ATXN10: variants seen among roughly 807,000 people sequenced by gnomAD.
ATXN10 encodes the protein ataxin 10, also known as ataxin-10.
Under a neutral mutation model 52.9 loss-of-function variants are expected in ATXN10, and 28 were observed. The ratio of observed to expected loss-of-function variants is 0.53; its 90% CI spans 0.39 to 0.73. ATXN10 has a LOEUF of 0.73. Among genes scored for constraint, ATXN10 ranks in the 30% least tolerant of loss-of-function variants. The probability of loss-of-function intolerance (pLI) is 0.00; values close to 1 mark genes in which losing one functional copy is unlikely to be tolerated. For missense variants in ATXN10, 565 were observed against 577.0 expected (o/e 0.98, Z 0.21); for synonymous variants, 226 against 221.5 (o/e 1.02, Z -0.18).
In ATXN10 at chr22:45,708,523, G is replaced by A. The variant is rs1924124859; in HGVS notation, c.647+5676G>A. On this transcript the variant is annotated intron_variant, in intron 5 of 11. Coordinates refer to ENST00000252934, the MANE Select transcript of ATXN10 (RefSeq NM_013236.4). This position sits in a 1 kb window ranked among gnomAD's most constrained non-coding sequence, Gnocchi z 5.3. ...ATTGCAAGTGATGCCAAACTCGAGG[G>A]CCTATCCCATTTTTATTAATACCAT... Among the ~76,000 whole-genome samples the A allele has an allele frequency of 6.6e-6, 1 of 152,240 alleles. No homozygotes were observed. The highest frequency in any genetic ancestry group is 2.4e-5 in the African/African-American group (1 of 41,544).
chr22:45,818,828 T>C lies in ATXN10; in HGVS notation c.1237+11806T>C, dbSNP rs1928551840. ...ATTTGAAAACAGAAACAAAACTGTA[T>C]GTGGACACTGATTGCCTGTTCCTAA... is the stretch of plus-strand genomic sequence containing the variant. On this transcript the variant is annotated intron_variant, in intron 10 of 11. Transcript: ENST00000252934. This position sits in a 1 kb window ranked among gnomAD's most constrained non-coding sequence, Gnocchi z 4.6. 1.3e-5 allele frequency among the ~76,000 whole-genome samples: 2 copies of C among 152,166 alleles called. No individual in the cohort carries two copies. Among genetic ancestry groups the C allele is most frequent in the Admixed American group, 6.5e-5 (1 of 15,276 alleles).
chr22:45,839,860 C>T (rs769021456), intron 10 of ATXN10, among the ~76,000 whole-genome samples: 8 of 152,234 alleles, frequency 5.3e-5, no homozygotes, highest in African/African-American at 9.6e-5. Context: ...CGGGAAACCA[C>T]ACCAACAACA....
intron 10 of ATXN10, among the ~76,000 whole-genome samples, chr22:45,836,735 A>G (rs768732405): frequency 1.3e-5 from 2 of 152,222 alleles, no homozygotes; most frequent in African/African-American, 4.8e-5. Flanking sequence ...GGTTTGTGCA[A>G]TATAACGCAT....
At chr22:45,761,382 C>G (rs750144665) in intron 9 of ATXN10, among the ~76,000 whole-genome samples, 3 of 152,196 alleles carry the variant, frequency 2.0e-5, no homozygotes, top group African/African-American at 7.2e-5. Context: ...TGGCACAGTT[C>G]CGGGCCCACA....
intron 9 of ATXN10, among the ~76,000 whole-genome samples, chr22:45,767,846 T>A (rs556160451): frequency 1.3e-4 from 20 of 152,214 alleles, no homozygotes; most frequent in Non-Finnish European, 2.1e-4. Context: ...AGAGAAATTA[T>A]AAACTGCATT....
rs1273427119 is a variant in ATXN10 at position 45,678,468 on chromosome 22, A to T, written c.116+6289A>T. ...GAAGCTATATATTTATGATTTTTAA[A>T]AAGTCACATTGTTTGGAGTAGAGGG... On this transcript the variant is annotated intron_variant, in intron 1 of 11. Transcript: ENST00000252934. This position sits in a 1 kb window ranked among gnomAD's most constrained non-coding sequence, Gnocchi z 4.1. The T allele has an allele frequency of 2.6e-5, 4 of 152,186 alleles. No individual in the cohort carries two copies. Among genetic ancestry groups the T allele is most frequent in the African/African-American group, 9.7e-5 (4 of 41,442 alleles). The allele number at this position is 152,186 out of a possible 1,614,324, so 9.4% of individuals were successfully genotyped here. A position where few individuals can be genotyped will look rare whatever the true frequency, so the allele number is the denominator to read the frequency against.
In ATXN10 at chr22:45,728,515, T is replaced by A. The variant is rs1035728577; in HGVS notation, c.729-910T>A. Among the ~76,000 whole-genome samples, 2 of 152,228 alleles carry A rather than the reference T, an allele frequency of 1.3e-5. No individual in the cohort carries two copies. Among genetic ancestry groups the A allele is most frequent in the Non-Finnish European group, 2.9e-5 (2 of 68,036 alleles). On this transcript the variant is annotated intron_variant, in intron 6 of 11. Coordinates refer to ENST00000252934, the MANE Select transcript of ATXN10 (RefSeq NM_013236.4). The surrounding 1 kb of genome is among the most constrained non-coding windows in gnomAD (Gnocchi z 4.3). ...ATTTCTTACTTGAAGCAGTAAATAA[T>A]TTAAATTTTTTTCTTGGTAAGAAAT...
chr22:45,723,285 T>C (rs1030010874), intron 6 of ATXN10, among the ~76,000 whole-genome samples: 3 of 152,030 alleles, frequency 2.0e-5, no homozygotes, highest in Admixed American at 6.6e-5. Context: ...TTTGGTCACA[T>C]GGATGGGTTG....
At chr22:45,741,552 G>A (rs1925534351) in intron 9 of ATXN10, among the ~76,000 whole-genome samples, 2 of 152,258 alleles carry the variant, frequency 1.3e-5, no homozygotes, top group East Asian at 1.9e-4. Context: ...AGATGTGTGC[G>A]AGAAACCATC....
Position 45,754,669 on chromosome 22 carries a change from A to G in ATXN10, c.1173+14131A>G, listed in dbSNP as rs1171795950. On this transcript the variant is annotated intron_variant, in intron 9 of 11. Transcript: ENST00000252934. This position sits in a 1 kb window ranked among gnomAD's most constrained non-coding sequence, Gnocchi z 5.4. Reference sequence around the variant, plus strand: ...GGAGTTCGAGACCAGTCTGACCAACATGGTGAAACCCCGACTCTACTAAAA... The same window carrying G: ...GGAGTTCGAGACCAGTCTGACCAACGTGGTGAAACCCCGACTCTACTAAAA... 6.6e-6 allele frequency among the ~76,000 whole-genome samples: 1 copy of G among 152,196 alleles called. No homozygotes were observed. Among genetic ancestry groups the G allele is most frequent in the African/African-American group, 2.4e-5 (1 of 41,450 alleles).
At position 45,840,532 on chromosome 22, in the gene ATXN10, A is replaced by T. The variant is rs1216041860; in HGVS notation, c.1238-2459A>T. 6.6e-6 allele frequency among the ~76,000 whole-genome samples: 1 copy of T among 152,166 alleles called. No individual in the cohort carries two copies. The highest frequency in any genetic ancestry group is 2.4e-5 in the African/African-American group (1 of 41,438). ...CAGGGATTCGTGTGTGCAGAGACAG[A>T]GGGGAGGCCAGCGTTGCAACATTGT... On this transcript the variant is annotated intron_variant, in intron 10 of 11. Coordinates refer to ENST00000252934, the MANE Select transcript of ATXN10 (RefSeq NM_013236.4). The surrounding 1 kb of genome is among the most constrained non-coding windows in gnomAD (Gnocchi z 5.8).
rs1382088340 is a variant in ATXN10 at position 45,793,667 on chromosome 22, G to A, written c.1174-13292G>A. ...CTTTGCCAAGGATGCAGGTGCCACA[G>A]CATCTCAAGAGAAGTCACCAATCAC... On this transcript the variant is annotated intron_variant, in intron 9 of 11. Coordinates refer to ENST00000252934, the MANE Select transcript of ATXN10 (RefSeq NM_013236.4). The A allele has an allele frequency of 2.1e-6, 3 of 1,423,942 alleles. No individual in the cohort carries two copies. In the South Asian group the frequency reaches 5.5e-5, roughly 26 times the overall value. 88.2% of individuals were successfully genotyped at this position (1,423,942 alleles called of 1,614,324 possible). A position where few individuals can be genotyped will look rare whatever the true frequency, so the allele number is the denominator to read the frequency against.
Position 45,705,698 on chromosome 22 carries a change from T to C in ATXN10, c.647+2851T>C, listed in dbSNP as rs1408365192. Among the ~76,000 whole-genome samples, 1 of 152,116 alleles carries C rather than the reference T, an allele frequency of 6.6e-6. No individual in the cohort carries two copies. The highest frequency in any genetic ancestry group is 6.5e-5 in the Admixed American group (1 of 15,274). On this transcript the variant is annotated intron_variant, in intron 5 of 11. Transcript: ENST00000252934. The surrounding 1 kb of genome is among the most constrained non-coding windows in gnomAD (Gnocchi z 5.2). ...AGCCACCTGCCTCAGCCTCCCAAAGTGCTGGGATTACAGGCGTGAGCCACC... is the reference window on the plus strand; with the variant it reads ...AGCCACCTGCCTCAGCCTCCCAAAGCGCTGGGATTACAGGCGTGAGCCACC...
chr22:45,739,656 C>T (rs1262427359), intron 8 of ATXN10, among the ~76,000 whole-genome samples: 2 of 152,212 alleles, frequency 1.3e-5, no homozygotes, highest in Non-Finnish European at 2.9e-5. Flanking sequence ...TGTGGGTTGC[C>T]ATCCCAGCTC....
In ATXN10 at chr22:45,696,873, T is replaced by A. The variant is rs1923629195; in HGVS notation, c.392-3409T>A. 6.6e-6 allele frequency among the ~76,000 whole-genome samples: 1 copy of A among 152,224 alleles called. No individual in the cohort carries two copies. Among genetic ancestry groups the A allele is most frequent in the South Asian group, 2.1e-4 (1 of 4,832 alleles). On this transcript the variant is annotated intron_variant, in intron 3 of 11. Coordinates refer to ENST00000252934, the MANE Select transcript of ATXN10 (RefSeq NM_013236.4). The surrounding 1 kb of genome is among the most constrained non-coding windows in gnomAD (Gnocchi z 4.7). Reference sequence around the variant, plus strand: ...GAAACTACTTTTATGAACCAGTTTGTCATTGAGGAGTAAATTGGTTATTTG... The same window carrying A: ...GAAACTACTTTTATGAACCAGTTTGACATTGAGGAGTAAATTGGTTATTTG...
rs1480109688 is a variant in ATXN10 at position 45,818,846 on chromosome 22, G to A, written c.1237+11824G>A. Among the ~76,000 whole-genome samples, 1 of 152,176 alleles carries A rather than the reference G, an allele frequency of 6.6e-6. No individual in the cohort carries two copies. The highest frequency in any genetic ancestry group is 2.4e-5 in the African/African-American group (1 of 41,440). ...AACTGTATGTGGACACTGATTGCCT[G>A]TTCCTAAGGACCTGCTCCTTAGAGC... On this transcript the variant is annotated intron_variant, in intron 10 of 11. Coordinates refer to ENST00000252934, the MANE Select transcript of ATXN10 (RefSeq NM_013236.4). The surrounding 1 kb of genome is among the most constrained non-coding windows in gnomAD (Gnocchi z 4.6).
At chr22:45,714,938 C>T (rs1410319165) in intron 5 of ATXN10, among the ~76,000 whole-genome samples, 1 of 152,200 alleles carries the variant, frequency 6.6e-6, no homozygotes, top group African/African-American at 2.4e-5. Flanking sequence ...CAACAGAGCA[C>T]TGTCATGGCT....
chr22:45,790,289 T>C lies in ATXN10; in HGVS notation c.1174-16670T>C, dbSNP rs1927462387. Among the ~76,000 whole-genome samples the C allele has an allele frequency of 6.6e-6, 1 of 152,156 alleles. No homozygotes were observed. Among genetic ancestry groups the C allele is most frequent in the African/African-American group, 2.4e-5 (1 of 41,422 alleles). ...TCTTGCCGGAATGTGTGTGGTTCTT[T>C]CAGGAACACCCAATACCAAACCTCT... On this transcript the variant is annotated intron_variant, in intron 9 of 11. Coordinates refer to ENST00000252934, the MANE Select transcript of ATXN10 (RefSeq NM_013236.4). This position sits in a 1 kb window ranked among gnomAD's most constrained non-coding sequence, Gnocchi z 4.7.
At chr22:45,711,421 G>A (rs1336098940) in intron 5 of ATXN10, among the ~76,000 whole-genome samples, 3 of 152,124 alleles carry the variant, frequency 2.0e-5, no homozygotes, top group Non-Finnish European at 2.9e-5. Context: ...GTGCCGAACC[G>A]TTCTGGCTCT....
Sources: allele counts gnomAD v4.1 joint callset (sites outside exome capture counted in the v4.1 genomes callset), GRCh38; gene constraint gnomAD v4.1.1; non-coding constraint Gnocchi (gnomAD v3.1); transcripts MANE v1.5; gene names NCBI Gene and HGNC (gene_info 2026-07-23, HGNC 2026-07-21).